The following FAM124A variants were observed in gnomAD, a reference collection of about 807,000 sequenced individuals.
FAM124A encodes protein FAM124A.
A neutral mutation model predicts 24.5 loss-of-function variants in FAM124A; 23 were observed. That is an observed-to-expected ratio of 0.94 (90% CI 0.68 to 1.33). The LOEUF is 1.33. Among genes scored for constraint, FAM124A ranks in the 40% most tolerant of loss-of-function variants. FAM124A has a pLI of 0.00. For synonymous variants in FAM124A, 287 were observed against 314.7 expected (o/e 0.91, Z 0.93); for missense variants, 623 against 722.8 (o/e 0.86, Z 1.58).
intron 2 of FAM124A, chr13:51,245,214 A>G (rs1954544213): frequency 2.1e-6 from 1 of 475,910 alleles, no homozygotes; most frequent in South Asian, 4.1e-5. Flanking sequence ...CAGGTGTGCC[A>G]TTTGCATAAG....
At chr13:51,260,001 G>A (rs542279015) in intron 3 of FAM124A, among the ~76,000 whole-genome samples, 1 of 152,208 alleles carries the variant, frequency 6.6e-6, no homozygotes, top group East Asian at 1.9e-4. Flanking sequence ...GCAGTTCCTG[G>A]GTGTGTGCAG....
At position 51,280,535 on chromosome 13, in the gene FAM124A, G is replaced by A; in HGVS notation, c.920G>A (p.Ser307Asn). The A allele has an allele frequency of 6.2e-7, 1 of 1,613,880 alleles. No homozygotes were observed. Among genetic ancestry groups the A allele is most frequent in the Non-Finnish European group, 8.5e-7 (1 of 1,179,974 alleles). The stretch of plus-strand genomic sequence containing the variant: ...AAACGTCATTCCACTCCTTTGCCGA[G>A]CACTGCTGTACCAAGCCATACACCT... ...EKKRHSTPLPSTAVPSHTPGS... is the reference protein window; with the variant it reads ...EKKRHSTPLPNTAVPSHTPGS... The change falls in exon 4 of 4, where the codon AGC (serine) becomes AAC (asparagine). Residue 307 changes from serine to asparagine, a missense_variant. Ser to Asn is a conservative substitution (Grantham distance 46, BLOSUM62 1). Coordinates refer to ENST00000322475, the MANE Select transcript of FAM124A (RefSeq NM_001242312.2).
intron 3 of FAM124A, among the ~76,000 whole-genome samples, chr13:51,269,943 C>T (rs1355339594): frequency 2.6e-5 from 4 of 152,294 alleles, no homozygotes; most frequent in East Asian, 1.9e-4. Flanking sequence ...GACGACTTTA[C>T]GTACAGCCAG....
intron 3 of FAM124A, among the ~76,000 whole-genome samples, chr13:51,261,399 G>T (rs996302584): frequency 1.3e-5 from 2 of 152,176 alleles, no homozygotes; most frequent in African/African-American, 4.8e-5. Context: ...GGGTCATTTC[G>T]TCTATGCCAG....
chr13:51,235,110 G>A (rs550034910), intron 2 of FAM124A, among the ~76,000 whole-genome samples: 1 of 152,130 alleles, frequency 6.6e-6, no homozygotes, highest in Admixed American at 6.5e-5. Context: ...GTTGCAACGG[G>A]TTCATTTGCC....
intron 1 of FAM124A, among the ~76,000 whole-genome samples, chr13:51,228,873 A>C (rs1279684629): frequency 6.6e-6 from 1 of 152,244 alleles, no homozygotes; most frequent in Non-Finnish European, 1.5e-5. Flanking sequence ...AATAAATATA[A>C]AGCCATATTC....
At chr13:51,225,976 C>CT (rs780570797) in intron 1 of FAM124A, among the ~76,000 whole-genome samples, 1,822 of 67,512 alleles carry the variant, frequency 0.027, 140 homozygotes, top group African/African-American at 0.05. Context: ...TGCTTGCTTT[C>CT]TTTTTTTTTT....
At chr13:51,237,990 G>A (rs902541060) in intron 2 of FAM124A, among the ~76,000 whole-genome samples, 1 of 152,194 alleles carries the variant, frequency 6.6e-6, no homozygotes, top group Non-Finnish European at 1.5e-5. Flanking sequence ...GTCAGGTTCC[G>A]AGGCCTCCTC....
In FAM124A at chr13:51,280,908, T is replaced by C. The variant is rs1327436265; in HGVS notation, c.1293T>C (p.Tyr431=). The C allele has an allele frequency of 6.2e-7, 1 of 1,614,108 alleles. No individual in the cohort carries two copies. Among genetic ancestry groups the C allele is most frequent in the Non-Finnish European group, 8.5e-7 (1 of 1,180,000 alleles). ...SSSDLSVVSA[Y]SAPSRFCSTV... ...CGGACCTGTCTGTGGTCTCTGCATATTCTGCACCCAGTAGGTTCTGCAGCA... is the reference window on the plus strand; with the variant it reads ...CGGACCTGTCTGTGGTCTCTGCATACTCTGCACCCAGTAGGTTCTGCAGCA... Residue 431 remains tyrosine (Y), a synonymous_variant, in exon 4 of 4, where the codon TAT becomes TAC. Coordinates refer to ENST00000322475, the MANE Select transcript of FAM124A (RefSeq NM_001242312.2).
chr13:51,251,633 G>A lies in FAM124A; in HGVS notation c.266G>A (p.Arg89Gln). The A allele has an allele frequency of 6.4e-7, 1 of 1,561,516 alleles. No individual in the cohort carries two copies. The highest frequency in any genetic ancestry group is 8.7e-7 in the Non-Finnish European group (1 of 1,151,470). ...FRVSERRASR[R>Q]RRKPPKGAQP... is the part of the protein sequence containing the mutation. ...GTGTCCGAGAGGCGGGCGTCCCGGC[G>A]GCGGCGGAAGCCCCCCAAGGGCGCT... Residue 89 changes from arginine (R) to glutamine (Q), a missense_variant, in exon 3 of 4, where the codon CGG (arginine) becomes CAG (glutamine). Transcript: ENST00000322475. This position sits in a 1 kb window ranked among gnomAD's most constrained non-coding sequence, Gnocchi z 5.3.
At chr13:51,231,655 C>T (rs1192338372) in intron 2 of FAM124A, among the ~76,000 whole-genome samples, 1 of 152,160 alleles carries the variant, frequency 6.6e-6, no homozygotes, top group Non-Finnish European at 1.5e-5. Flanking sequence ...TGAGGTAGCG[C>T]TTTCATTGAA....
chr13:51,255,910 G>A (rs1295534308), intron 3 of FAM124A, among the ~76,000 whole-genome samples: 1 of 152,224 alleles, frequency 6.6e-6, no homozygotes. Flanking sequence ...TCAGTAGCTA[G>A]TGAGTGTCAG....
intron 2 of FAM124A, among the ~76,000 whole-genome samples, chr13:51,238,489 A>C (rs141825938): frequency 6.6e-6 from 1 of 152,346 alleles, no homozygotes; most frequent in East Asian, 1.9e-4. Context: ...GATCCACCTA[A>C]TATCTAGATG....
chr13:51,252,353 T>A, intron 3 of FAM124A, 152 bp downstream of exon 3: 1 of 1,042,250 alleles, frequency 9.6e-7, no homozygotes, highest in Non-Finnish European at 1.3e-6. Context: ...AAAGTGGCCA[T>A]ACAGGATCCC....
At chr13:51,225,944 G>T (rs1290176259) in intron 1 of FAM124A, among the ~76,000 whole-genome samples, 2 of 139,576 alleles carry the variant, frequency 1.4e-5, no homozygotes, top group Non-Finnish European at 3.1e-5. Flanking sequence ...GAGGAGAAAA[G>T]ATGATAATCT....
intron 2 of FAM124A, among the ~76,000 whole-genome samples, chr13:51,241,622 G>A (rs1325166389): frequency 6.6e-6 from 1 of 152,038 alleles, no homozygotes; most frequent in Non-Finnish European, 1.5e-5. Context: ...CAGTAAGTTT[G>A]TTCTCCAAAT....
rs3138586 is a variant in FAM124A, at chr13:51,272,566, T to TACACACACACACACACACACACAC, written c.835-7879_835-7856dup. Among the ~76,000 whole-genome samples the TACACACACACACACACACACACAC allele has an allele frequency of 2.8e-4, 42 of 148,964 alleles. No homozygotes were observed. The highest frequency in any genetic ancestry group is 2.4e-3 in the South Asian group (11 of 4,626). On this transcript the variant is annotated intron_variant, in intron 3 of 3. Transcript: ENST00000322475. This position sits in a 1 kb window ranked among gnomAD's most constrained non-coding sequence, Gnocchi z 4.2. ...ACCTATTTTTGTAAATAAAGCCTTA[T>TACACACACACACACACACACACAC]ACACACACACACACACACACACACA...
chr13:51,251,911 A>G lies in FAM124A; in HGVS notation c.544A>G (p.Asn182Asp). The G allele has an allele frequency of 6.2e-7, 1 of 1,614,174 alleles. No individual in the cohort carries two copies. The highest frequency in any genetic ancestry group is 2.2e-5 in the East Asian group (1 of 44,880). Reference protein sequence around the residue: ...VRFTVYCRYDNYADSLRFYQL... With the variant: ...VRFTVYCRYDDYADSLRFYQL... ...CTTCACCGTCTACTGTCGCTACGACAACTATGCTGACAGCCTCAGGTTCTA... is the reference window on the plus strand; with the variant it reads ...CTTCACCGTCTACTGTCGCTACGACGACTATGCTGACAGCCTCAGGTTCTA... Residue 182 changes from asparagine (N) to aspartate (D), a missense_variant, in exon 3 of 4, where the codon AAC (asparagine) becomes GAC (aspartate). By Grantham distance (23) the Asn-to-Asp change is conservative (BLOSUM62 1). Coordinates refer to ENST00000322475, the MANE Select transcript of FAM124A (RefSeq NM_001242312.2). The surrounding 1 kb of genome is among the most constrained non-coding windows in gnomAD (Gnocchi z 5.3).
At chr13:51,230,075 T>TTATATATATATATATATA (rs5803560) in intron 1 of FAM124A, among the ~76,000 whole-genome samples, 1 of 150,918 alleles carries the variant, frequency 6.6e-6, no homozygotes, top group African/African-American at 2.4e-5. Flanking sequence ...AAATATTGAA[T>TTATATATATATATATATA]TATATATATA....
Sources: allele counts gnomAD v4.1 joint callset (sites outside exome capture counted in the v4.1 genomes callset), GRCh38; gene constraint gnomAD v4.1.1; non-coding constraint Gnocchi (gnomAD v3.1); transcripts MANE v1.5; gene names NCBI Gene and HGNC (gene_info 2026-07-23, HGNC 2026-07-21).